Variants in GRM7 observed in about 807,000 individuals in gnomAD.
The protein encoded by GRM7 is metabotropic glutamate receptor 7.
GRM7 carries 35 observed loss-of-function variants against 84.5 expected under a neutral mutation model. That is an observed-to-expected ratio of 0.41 (90% CI 0.32 to 0.55). The LOEUF is 0.55. Among genes scored for constraint, GRM7 ranks in the 20% least tolerant of loss-of-function variants. The pLI is 0.19. For synonymous variants in GRM7, 487 were observed against 455.1 expected (o/e 1.07, Z -0.89); for missense variants, 1,003 against 1,194.6 (o/e 0.84, Z 2.36).
intron 8 of GRM7, among the ~76,000 whole-genome samples, chr3:7,668,598 C>T (rs1699798059): frequency 6.6e-6 from 1 of 152,192 alleles, no homozygotes; most frequent in Admixed American, 6.5e-5. Flanking sequence ...TTAAGTGGCT[C>T]TCTGAAGGAT....
chr3:7,280,395 T>C (rs534165427), intron 2 of GRM7, among the ~76,000 whole-genome samples: 16 of 152,326 alleles, frequency 1.1e-4, no homozygotes, highest in African/African-American at 3.6e-4. Context: ...CTTCTTAAAA[T>C]TATGATGAGA....
At chr3:6,907,105 C>T (rs1037185672) in intron 1 of GRM7, among the ~76,000 whole-genome samples, 19 of 151,916 alleles carry the variant, frequency 1.3e-4, no homozygotes, top group Non-Finnish European at 2.6e-4. Context: ...AGTGTCTTGC[C>T]GTGTTGCCCA....
intron 2 of GRM7, among the ~76,000 whole-genome samples, chr3:7,216,843 G>A (rs1324827025): frequency 6.6e-6 from 1 of 152,144 alleles, no homozygotes; most frequent in Non-Finnish European, 1.5e-5. Context: ...AATGGATGGT[G>A]TTGGATATAC....
At chr3:7,164,564 T>A (rs905295225) in intron 2 of GRM7, among the ~76,000 whole-genome samples, 2 of 152,220 alleles carry the variant, frequency 1.3e-5, no homozygotes, top group South Asian at 4.1e-4. Flanking sequence ...TGGAGTCACA[T>A]TGACTTCTTC....
At chr3:7,500,836 G>A (rs1699860932) in intron 7 of GRM7, among the ~76,000 whole-genome samples, 1 of 152,150 alleles carries the variant, frequency 6.6e-6, no homozygotes, top group African/African-American at 2.4e-5. Flanking sequence ...GTGCACTGGG[G>A]ATACAAGGAG....
chr3:7,671,561 A>T (rs1406764777), intron 8 of GRM7, among the ~76,000 whole-genome samples: 1 of 151,008 alleles, frequency 6.6e-6, no homozygotes, highest in African/African-American at 2.4e-5. Context: ...GTTAAATGAG[A>T]AAAACAAAAC....
At chr3:7,511,543 T>C (rs558930519) in intron 7 of GRM7, among the ~76,000 whole-genome samples, 10 of 152,260 alleles carry the variant, frequency 6.6e-5, no homozygotes, top group African/African-American at 2.4e-4. Flanking sequence ...TTACCTCTCA[T>C]CTCTTCAGCT....
intron 8 of GRM7, among the ~76,000 whole-genome samples, chr3:7,668,456 T>C (rs1699789346): frequency 6.6e-6 from 1 of 152,206 alleles, no homozygotes; most frequent in African/African-American, 2.4e-5. Flanking sequence ...CTCCTCCTCC[T>C]CCCTTTCTCT....
intron 1 of GRM7, among the ~76,000 whole-genome samples, chr3:7,066,119 C>T (rs1211426052): frequency 6.6e-6 from 1 of 151,412 alleles, no homozygotes; most frequent in Non-Finnish European, 1.5e-5. Flanking sequence ...CCTCAAGGAA[C>T]TAGAGAAATA....
Position 7,287,792 on chromosome 3 carries a change from C to G in GRM7, c.737-10892C>G, listed in dbSNP as rs113149067. On this transcript the variant is annotated intron_variant, in intron 2 of 9. Transcript: ENST00000357716. Reference sequence around the variant, plus strand: ...AATTGATAGGTGTACTCTTTCAAGTCTTAAGAGAGGTAATAGTTTGCTGCG... The same window carrying G: ...AATTGATAGGTGTACTCTTTCAAGTGTTAAGAGAGGTAATAGTTTGCTGCG... Among the ~76,000 whole-genome samples the G allele has an allele frequency of 5.3e-3, 804 of 152,092 alleles. 2 individuals are homozygous for G. Among genetic ancestry groups the G allele is most frequent in the Middle Eastern group, 0.01 (3 of 294 alleles).
chr3:7,457,817 G>A (rs191708745), intron 6 of GRM7, among the ~76,000 whole-genome samples: 1 of 152,236 alleles, frequency 6.6e-6, no homozygotes, highest in Admixed American at 6.5e-5. Flanking sequence ...CACATATTCT[G>A]GCTACAACCC....
intron 4 of GRM7, among the ~76,000 whole-genome samples, chr3:7,410,785 A>G (rs1177301290): frequency 6.6e-6 from 1 of 152,152 alleles, no homozygotes; most frequent in African/African-American, 2.4e-5. Flanking sequence ...CATTTGGACC[A>G]AAGAGAAGCT....
intron 4 of GRM7, among the ~76,000 whole-genome samples, chr3:7,356,304 T>A (rs1603906): frequency 0.61 from 91,822 of 151,506 alleles, 27,965 homozygotes; most frequent in African/African-American, 0.66. Flanking sequence ...AGGATTTTTT[T>A]TTTTTTATTT....
intron 8 of GRM7, among the ~76,000 whole-genome samples, chr3:7,616,251 A>T (rs1430004712): frequency 6.6e-6 from 1 of 152,152 alleles, no homozygotes; most frequent in Non-Finnish European, 1.5e-5. Context: ...AATGAAAACT[A>T]CACAATTCTT....
intron 1 of GRM7, among the ~76,000 whole-genome samples, chr3:6,946,387 T>A (rs1366532852): frequency 3.9e-5 from 6 of 152,232 alleles, no homozygotes; most frequent in Non-Finnish European, 7.3e-5. Flanking sequence ...TGGCATTATT[T>A]CTGAGGGCTC....
intron 8 of GRM7, among the ~76,000 whole-genome samples, chr3:7,654,958 C>T (rs1235208776): frequency 1.3e-5 from 2 of 152,182 alleles, no homozygotes; most frequent in Non-Finnish European, 2.9e-5. Context: ...CCCTTTCCCT[C>T]TTACACTGGG....
intron 1 of GRM7, among the ~76,000 whole-genome samples, chr3:7,046,340 G>A (rs1411119579): frequency 6.6e-6 from 1 of 152,116 alleles, no homozygotes; most frequent in East Asian, 1.9e-4. Context: ...AGAGTCTGCT[G>A]AGCTGGAGCT....
chr3:7,243,393 T>C (rs1186437579), intron 2 of GRM7, among the ~76,000 whole-genome samples: 1 of 152,130 alleles, frequency 6.6e-6, no homozygotes, highest in African/African-American at 2.4e-5. Flanking sequence ...GTCTCTCATG[T>C]ATGTTGGCTT....
intron 1 of GRM7, among the ~76,000 whole-genome samples, chr3:7,141,900 T>C (rs967193681): frequency 6.6e-6 from 1 of 152,166 alleles, no homozygotes; most frequent in African/African-American, 2.4e-5. Flanking sequence ...AGATTACTGT[T>C]CTTTTGTATT....
Sources: allele counts gnomAD v4.1 joint callset (sites outside exome capture counted in the v4.1 genomes callset), GRCh38; gene constraint gnomAD v4.1.1; transcripts MANE v1.5; gene names NCBI Gene and HGNC (gene_info 2026-07-23, HGNC 2026-07-21).